Variants in ANKRD44 observed in about 807,000 individuals in gnomAD.
ANKRD44 encodes ankyrin repeat domain 44.
ANKRD44 carries 35 observed loss-of-function variants against 116.0 expected under a neutral mutation model. The observed-to-expected ratio is 0.30, with a 90% CI of 0.23 to 0.40. The LOEUF (loss-of-function observed/expected upper bound fraction) is 0.40. Among genes scored for constraint, ANKRD44 ranks in the 10% least tolerant of loss-of-function variants. The pLI is 1.00. For missense variants in ANKRD44, 1,014 were observed against 1,242.6 expected, an observed-to-expected ratio of 0.82 and a Z score of 2.77; for synonymous variants, 435 against 461.8, an observed-to-expected ratio of 0.94 and a Z score of 0.74.
rs570860541 is a variant in ANKRD44 at position 196,981,439 on chromosome 2, G to C, written c.2368+12144C>G. Among the ~76,000 whole-genome samples, 12 of 152,290 alleles carry C rather than the reference G, an allele frequency of 7.9e-5. No individual in the cohort carries two copies. In the East Asian group the frequency reaches 1.9e-3, roughly 24 times the overall value. On this transcript the variant is annotated intron_variant, in intron 21 of 21. Transcript: ENST00000424317. ...TTAGATTTATGATTATAAATCTTGA[G>C]TGTACTAAATCCTACTCAGTAACCC...
intron 4 of ANKRD44, 30 bp downstream of exon 4, chr2:197,136,562 G>T: frequency 1.9e-6 from 3 of 1,593,002 alleles, no homozygotes; most frequent in South Asian, 2.2e-5. Context: ...AGGCACAGTA[G>T]GTATTAGATT....
intron 3 of ANKRD44, among the ~76,000 whole-genome samples, chr2:197,145,467 T>C (rs993436747): frequency 2.0e-5 from 3 of 152,202 alleles, no homozygotes; most frequent in Admixed American, 6.5e-5. Flanking sequence ...CAGGTGTGCA[T>C]TGGCCCTTAG....
At chr2:197,113,775 C>G (rs908236777) in intron 8 of ANKRD44, among the ~76,000 whole-genome samples, 33 of 152,174 alleles carry the variant, frequency 2.2e-4, no homozygotes, top group African/African-American at 7.7e-4. Flanking sequence ...AGGTAAAATG[C>G]AAAGAACAGC....
At chr2:197,278,966 A>T (rs1489857903) in intron 1 of ANKRD44, among the ~76,000 whole-genome samples, 3 of 152,362 alleles carry the variant, frequency 2.0e-5, no homozygotes, top group Middle Eastern at 3.4e-3. Context: ...TGCAGTCAGC[A>T]GTTCTCCAGT....
chr2:197,046,278 T>C (rs2076999626), intron 16 of ANKRD44, among the ~76,000 whole-genome samples: 2 of 152,196 alleles, frequency 1.3e-5, no homozygotes, highest in Non-Finnish European at 2.9e-5. Context: ...CACGATGATT[T>C]CCTGATGCTA....
chr2:197,288,683 TAC>T (rs755975946), intron 1 of ANKRD44, among the ~76,000 whole-genome samples: 3 of 150,836 alleles, frequency 2.0e-5, no homozygotes, highest in East Asian at 3.9e-4. Flanking sequence ...CATATACACA[TAC>T]ACACACACAC....
At chr2:197,146,112 C>A (rs1371597305) in intron 3 of ANKRD44, among the ~76,000 whole-genome samples, 1 of 152,140 alleles carries the variant, frequency 6.6e-6, no homozygotes, top group Non-Finnish European at 1.5e-5. Flanking sequence ...ATTTTTAAAT[C>A]TGATGAAATA....
At chr2:197,168,855 G>A (rs964443444) in intron 2 of ANKRD44, among the ~76,000 whole-genome samples, 13 of 152,068 alleles carry the variant, frequency 8.5e-5, no homozygotes, top group African/African-American at 3.1e-4. Context: ...TGGCGTCATG[G>A]CCACTGCAAA....
chr2:196,973,139 G>C (rs2075727316), intron 21 of ANKRD44, among the ~76,000 whole-genome samples: 1 of 152,002 alleles, frequency 6.6e-6, no homozygotes, highest in Non-Finnish European at 1.5e-5. Flanking sequence ...TCAATATTTT[G>C]GGTGAAAAAT....
chr2:197,108,702 T>C (rs2078492500), intron 9 of ANKRD44, among the ~76,000 whole-genome samples: 3 of 152,106 alleles, frequency 2.0e-5, no homozygotes, highest in African/African-American at 4.8e-5. Flanking sequence ...TAGCTGGGCA[T>C]GGTGGCACAC....
intron 1 of ANKRD44, among the ~76,000 whole-genome samples, chr2:197,238,930 C>T (rs924455182): frequency 3.9e-5 from 6 of 152,114 alleles, no homozygotes; most frequent in Non-Finnish European, 7.4e-5. Flanking sequence ...GTCTTGAACT[C>T]CTGACCTCAG....
chr2:197,284,275 T>C (rs2083343514), intron 1 of ANKRD44, among the ~76,000 whole-genome samples: 1 of 152,024 alleles, frequency 6.6e-6, no homozygotes, highest in Non-Finnish European at 1.5e-5. Context: ...GCTAACAGGA[T>C]TTCTCTGGGT....
Position 197,007,917 on chromosome 2 carries a change from T to G in ANKRD44, c.2019A>C (p.Pro673=). Residue 673 remains proline (P), a synonymous_variant, in exon 20 of 28, where the codon CCA becomes CCC. Transcript: ENST00000282272. ...VDVKDAKGQT[P]LMLAVAYGHI... ...GTCCATATGCTACTGCAAGCATCAGTGGTGTTCTAGGCAGAGAGATAAAGC... is the reference window on the plus strand; with the variant it reads ...GTCCATATGCTACTGCAAGCATCAGGGGTGTTCTAGGCAGAGAGATAAAGC... 1 of 1,612,164 alleles carries G rather than the reference T, an allele frequency of 6.2e-7. No individual in the cohort carries two copies. Among genetic ancestry groups the G allele is most frequent in the Non-Finnish European group, 8.5e-7 (1 of 1,178,390 alleles).
intron 1 of ANKRD44, among the ~76,000 whole-genome samples, chr2:197,271,005 C>G (rs943732905): frequency 2.6e-5 from 4 of 152,346 alleles, no homozygotes; most frequent in African/African-American, 9.6e-5. Flanking sequence ...GCAGACCGTG[C>G]AGCTGCCCAG....
intron 3 of ANKRD44, among the ~76,000 whole-genome samples, chr2:197,142,178 T>C (rs1307663866): frequency 6.6e-6 from 1 of 152,204 alleles, no homozygotes; most frequent in African/African-American, 2.4e-5. Context: ...TTTATTTTCA[T>C]AGAGATCAGG....
chr2:197,107,206 G>T (rs1211514085), intron 9 of ANKRD44, among the ~76,000 whole-genome samples: 1 of 152,194 alleles, frequency 6.6e-6, no homozygotes, highest in African/African-American at 2.4e-5. Context: ...GCCTTGGAAG[G>T]ATTGTGAGCC....
At chr2:197,159,109 CT>C (rs1394131202) in intron 2 of ANKRD44, among the ~76,000 whole-genome samples, 3 of 152,312 alleles carry the variant, frequency 2.0e-5, no homozygotes, top group South Asian at 2.1e-4. Flanking sequence ...ACAATAACTC[CT>C]AGCTATGGGG....
rs5837527 is a variant in ANKRD44, at chr2:197,158,984, A to AACACACACAC, written c.112-11889_112-11880dup. ...CACACCCATCAGCAAAGAGCAAACA[A>AACACACACAC]ACACACACACACACACACACACATA... On this transcript the variant is annotated intron_variant, in intron 2 of 27. Transcript: ENST00000282272. Among the ~76,000 whole-genome samples the AACACACACAC allele has an allele frequency of 5.8e-3, 854 of 148,454 alleles. 7 individuals carry two copies. The highest frequency in any genetic ancestry group is 0.02 in the African/African-American group (805 of 40,710).
At chr2:197,111,638 C>CA (rs5837523) in intron 8 of ANKRD44, among the ~76,000 whole-genome samples, 87,183 of 134,736 alleles carry the variant, frequency 0.65, 30,400 homozygotes, top group East Asian at 0.94. Flanking sequence ...GACTCTGTCT[C>CA]AAAAAAAAAA....
Sources: gnomAD v4.1 joint callset for allele counts (sites outside exome capture counted in the v4.1 genomes callset) on GRCh38, gnomAD v4.1.1 for gene constraint, MANE v1.5 for transcripts, NCBI Gene and HGNC (gene_info 2026-07-23, HGNC 2026-07-21) for gene names.